EXOC2: variants seen among roughly 807,000 people sequenced by gnomAD.
EXOC2 encodes the protein exocyst complex component 2.
Under a neutral mutation model 131.8 loss-of-function variants are expected in EXOC2, and 70 were observed. That is an observed-to-expected ratio of 0.53 (90% CI 0.44 to 0.65). The LOEUF is 0.65. EXOC2 is among the 30% of genes least tolerant of loss of function. The pLI is 0.00. For synonymous variants in EXOC2, 411 were observed against 398.4 expected (o/e 1.03, Z -0.38); for missense variants, 923 against 1,108.6 (o/e 0.83, Z 2.38).
intron 23 of EXOC2, among the ~76,000 whole-genome samples, chr6:509,386 A>C (rs1159462011): frequency 6.6e-6 from 1 of 152,178 alleles, no homozygotes; most frequent in Non-Finnish European, 1.5e-5. Flanking sequence ...CTGCCAACCT[A>C]TCATGCAAAA....
chr6:688,060 C>T (rs1186721999), intron 1 of EXOC2, among the ~76,000 whole-genome samples: 2 of 152,164 alleles, frequency 1.3e-5, no homozygotes, highest in African/African-American at 2.4e-5. Context: ...ACAACCTCTT[C>T]CACTGTGACT....
chr6:594,490 G>C (rs1324806944), intron 10 of EXOC2, among the ~76,000 whole-genome samples: 1 of 152,214 alleles, frequency 6.6e-6, no homozygotes, highest in African/African-American at 2.4e-5. Context: ...AAAATAAAGA[G>C]ATACTCTTTT....
chr6:537,437 C>T (rs1031784824), intron 22 of EXOC2, among the ~76,000 whole-genome samples: 17 of 150,558 alleles, frequency 1.1e-4, no homozygotes, highest in African/African-American at 3.7e-4. Context: ...AGGTGACGGC[C>T]GACGGAGCGT....
intron 13 of EXOC2, among the ~76,000 whole-genome samples, chr6:568,070 G>T (rs983933304): frequency 6.6e-6 from 1 of 152,210 alleles, no homozygotes; most frequent in African/African-American, 2.4e-5. Context: ...GGAATGTCAG[G>T]AGCTAAATCT....
intron 13 of EXOC2, among the ~76,000 whole-genome samples, chr6:567,073 A>AC (rs1758005038): frequency 6.6e-6 from 1 of 152,082 alleles, no homozygotes; most frequent in Non-Finnish European, 1.5e-5. Context: ...TGCCTGGAGG[A>AC]CCTCCATGGT....
intron 1 of EXOC2, among the ~76,000 whole-genome samples, chr6:682,710 A>G (rs994015188): frequency 2.6e-5 from 4 of 152,216 alleles, no homozygotes; most frequent in Non-Finnish European, 4.4e-5. Context: ...AAAGTTCAGA[A>G]TAAGTAAATC....
intron 6 of EXOC2, among the ~76,000 whole-genome samples, chr6:615,541 G>A (rs1760951036): frequency 6.6e-6 from 1 of 152,222 alleles, no homozygotes; most frequent in African/African-American, 2.4e-5. Context: ...TCAATAGCAT[G>A]AAAAACCAGA....
In EXOC2 at chr6:504,279, C is replaced by T. The variant is rs191567054; in HGVS notation, c.2381-4579G>A. Among the ~76,000 whole-genome samples, 414 of 152,298 alleles carry T rather than the reference C, an allele frequency of 2.7e-3. 1 individual carries two copies. Among genetic ancestry groups the T allele is most frequent in the Middle Eastern group, 0.01 (3 of 294 alleles). On this transcript the variant is annotated intron_variant, in intron 23 of 27. Coordinates refer to ENST00000230449, the MANE Select transcript of EXOC2 (RefSeq NM_018303.6). ...TCTCTTCCTTAAATGGGAGGTCAGA[C>T]GGAGAAGGTGAGGCAGAGGCCGTCA...
chr6:503,402 T>C (rs528041194), intron 23 of EXOC2, among the ~76,000 whole-genome samples: 2 of 152,318 alleles, frequency 1.3e-5, no homozygotes, highest in African/African-American at 4.8e-5. Context: ...TGCCAATATA[T>C]GCAGGATGGC....
intron 1 of EXOC2, among the ~76,000 whole-genome samples, chr6:645,730 C>A (rs1762551296): frequency 6.6e-6 from 1 of 152,164 alleles, no homozygotes; most frequent in Non-Finnish European, 1.5e-5. Flanking sequence ...TAGCTTTGTA[C>A]ATTGAGAGAG....
chr6:494,395 C>G (rs2127472467), intron 25 of EXOC2, among the ~76,000 whole-genome samples: 1 of 152,226 alleles, frequency 6.6e-6, no homozygotes, highest in East Asian at 1.9e-4. Context: ...TAGTTCTGAT[C>G]CACTTCAGTG....
chr6:569,135 T>C (rs1159327638), intron 13 of EXOC2, among the ~76,000 whole-genome samples: 3 of 152,242 alleles, frequency 2.0e-5, no homozygotes, highest in African/African-American at 7.2e-5. Context: ...TATTGAGTTA[T>C]GTAACTTTTT....
At chr6:659,182 T>TA (rs1403188742) in intron 1 of EXOC2, among the ~76,000 whole-genome samples, 2 of 152,218 alleles carry the variant, frequency 1.3e-5, no homozygotes, top group Non-Finnish European at 2.9e-5. Flanking sequence ...TTATGGCTTT[T>TA]ACTCTTCAAA....
intron 1 of EXOC2, among the ~76,000 whole-genome samples, chr6:670,792 G>C (rs907099059): frequency 1.3e-5 from 2 of 152,074 alleles, no homozygotes; most frequent in African/African-American, 4.8e-5. Flanking sequence ...AACATCTATA[G>C]AGCTGAGAGA....
At chr6:631,176 G>A (rs975413371) in intron 3 of EXOC2, among the ~76,000 whole-genome samples, 1 of 152,184 alleles carries the variant, frequency 6.6e-6, no homozygotes, top group African/African-American at 2.4e-5. Flanking sequence ...CATTCTCTCA[G>A]CACTCGTGGT....
chr6:500,228 C>T (rs1240399283), intron 23 of EXOC2, among the ~76,000 whole-genome samples: 1 of 152,162 alleles, frequency 6.6e-6, no homozygotes, highest in African/African-American at 2.4e-5. Context: ...AGTTATTGAG[C>T]AGAAGGACCA....
intron 21 of EXOC2, among the ~76,000 whole-genome samples, chr6:550,091 C>T (rs540367837): frequency 1.3e-5 from 2 of 152,220 alleles, no homozygotes; most frequent in Non-Finnish European, 2.9e-5. Context: ...TGCGGTTCAC[C>T]GAGGCACCCA....
intron 1 of EXOC2, chr6:689,238 C>T (rs1764804902): frequency 6.7e-6 from 1 of 149,784 alleles, no homozygotes. Context: ...CATAGAAAAA[C>T]TGATAAACCC....
chr6:686,374 T>C (rs950704223), intron 1 of EXOC2, among the ~76,000 whole-genome samples: 5 of 152,234 alleles, frequency 3.3e-5, no homozygotes, highest in Non-Finnish European at 7.3e-5. Flanking sequence ...TTTTAATTCT[T>C]TTGGGAAAAT....
Sources: gnomAD v4.1 joint callset for allele counts (sites outside exome capture counted in the v4.1 genomes callset) on GRCh38, gnomAD v4.1.1 for gene constraint, MANE v1.5 for transcripts, NCBI Gene and HGNC (gene_info 2026-07-23, HGNC 2026-07-21) for gene names.